WDFY2: variants seen among roughly 807,000 people sequenced by gnomAD.
WDFY2 encodes WD repeat and FYVE domain-containing protein 2.
Under a neutral mutation model 56.4 loss-of-function variants are expected in WDFY2, and 36 were observed. The ratio of observed to expected loss-of-function variants is 0.64; its 90% CI spans 0.49 to 0.84. The LOEUF (loss-of-function observed/expected upper bound fraction) is 0.84, where lower values mean the gene tolerates loss of function less well. WDFY2 is among the 40% of genes least tolerant of loss of function. WDFY2 has a pLI of 0.00. For synonymous variants in WDFY2, 176 were observed against 183.7 expected, an observed-to-expected ratio of 0.96 and a Z score of 0.34; for missense variants, 444 against 512.2, an observed-to-expected ratio of 0.87 and a Z score of 1.29.
intron 7 of WDFY2, among the ~76,000 whole-genome samples, chr13:51,739,487 A>G (rs773165176): frequency 1.9e-4 from 29 of 152,328 alleles, no homozygotes; most frequent in Non-Finnish European, 3.7e-4. Flanking sequence ...AGGAAAAAAA[A>G]AAGCTTGAAA....
At chr13:51,740,204 A>G (rs1267483053) in intron 7 of WDFY2, among the ~76,000 whole-genome samples, 5 of 152,224 alleles carry the variant, frequency 3.3e-5, no homozygotes, top group African/African-American at 1.2e-4. Context: ...TACTTGTTTT[A>G]GTTTTAGAAT....
At chr13:51,755,733 T>A (rs1379416110) in intron 9 of WDFY2, among the ~76,000 whole-genome samples, 3 of 152,252 alleles carry the variant, frequency 2.0e-5, no homozygotes, top group Non-Finnish European at 4.4e-5. Context: ...ATTAGAGGTG[T>A]CATGCTTAGT....
intron 1 of WDFY2, among the ~76,000 whole-genome samples, chr13:51,614,323 A>C (rs1954566940): frequency 6.6e-6 from 1 of 152,174 alleles, no homozygotes; most frequent in Non-Finnish European, 1.5e-5. Context: ...GAAGATGTTG[A>C]GTGAACCCTG....
chr13:51,659,260 A>G (rs969362393), intron 1 of WDFY2, among the ~76,000 whole-genome samples: 2 of 152,140 alleles, frequency 1.3e-5, no homozygotes, highest in African/African-American at 4.8e-5. Flanking sequence ...GATTAGCTGG[A>G]GTGGGGCAGG....
chr13:51,723,078 G>C (rs1205814566), intron 5 of WDFY2, among the ~76,000 whole-genome samples: 2 of 152,138 alleles, frequency 1.3e-5, no homozygotes, highest in Non-Finnish European at 2.9e-5. Context: ...CTGAAAAGCT[G>C]TTAAGATTAT....
chr13:51,670,127 CAT>C (rs759702673), intron 2 of WDFY2, among the ~76,000 whole-genome samples: 2 of 152,130 alleles, frequency 1.3e-5, no homozygotes, highest in Non-Finnish European at 2.9e-5. Flanking sequence ...GCCATTGGGT[CAT>C]AGTTACTTTT....
chr13:51,643,070 T>A (rs1955202018), intron 1 of WDFY2, among the ~76,000 whole-genome samples: 1 of 152,202 alleles, frequency 6.6e-6, no homozygotes, highest in Non-Finnish European at 1.5e-5. Context: ...TTCCTTTTTT[T>A]TAAATTGTAA....
At chr13:51,613,184 G>A (rs1174861768) in intron 1 of WDFY2, among the ~76,000 whole-genome samples, 1 of 151,872 alleles carries the variant, frequency 6.6e-6, no homozygotes, top group Non-Finnish European at 1.5e-5. Flanking sequence ...ACTCCAGCCT[G>A]GGTGACATAA....
chr13:51,612,900 T>A (rs1954531406), intron 1 of WDFY2, among the ~76,000 whole-genome samples: 1 of 152,224 alleles, frequency 6.6e-6, no homozygotes, highest in East Asian at 1.9e-4. Flanking sequence ...CAGTGTTCAA[T>A]GTGAGTAAGG....
chr13:51,695,955 A>ACT lies in WDFY2; in HGVS notation c.280-7640_280-7639dup, dbSNP rs564636645. Among the ~76,000 whole-genome samples, 752 of 152,242 alleles carry ACT rather than the reference A, an allele frequency of 4.9e-3. 4 individuals carry two copies. Among genetic ancestry groups the ACT allele is most frequent in the African/African-American group, 0.014 (591 of 41,570 alleles). On this transcript the variant is annotated intron_variant, in intron 3 of 11. Coordinates refer to ENST00000298125, the MANE Select transcript of WDFY2 (RefSeq NM_052950.4). ...GACTGCTGTGCTAGCAATCAGCAAG[A>ACT]CTGTGGGCGTAGGACCCTCCGAGCC...
At chr13:51,638,237 C>T (rs1955088925) in intron 1 of WDFY2, among the ~76,000 whole-genome samples, 1 of 152,032 alleles carries the variant, frequency 6.6e-6, no homozygotes, top group African/African-American at 2.4e-5. Context: ...CTGCCAGGGC[C>T]TGGGTGAAGA....
intron 7 of WDFY2, among the ~76,000 whole-genome samples, chr13:51,743,029 G>A (rs1329774619): frequency 2.6e-5 from 4 of 152,164 alleles, no homozygotes; most frequent in Non-Finnish European, 5.9e-5. Flanking sequence ...TAGAATTCTT[G>A]CATTCAGCTT....
intron 5 of WDFY2, among the ~76,000 whole-genome samples, chr13:51,724,190 C>T (rs1487853597): frequency 6.7e-6 from 1 of 149,064 alleles, no homozygotes; most frequent in African/African-American, 2.5e-5. Flanking sequence ...TATTTTTGGC[C>T]AGTAATAGCT....
intron 1 of WDFY2, among the ~76,000 whole-genome samples, chr13:51,651,378 T>C (rs956219976): frequency 4.6e-5 from 7 of 152,212 alleles, no homozygotes; most frequent in African/African-American, 1.7e-4. Context: ...CCTGGATTCA[T>C]TAATTTTTTG....
intron 1 of WDFY2, chr13:51,589,399 G>A (rs1954003375): frequency 6.6e-6 from 1 of 151,792 alleles, no homozygotes; most frequent in South Asian, 2.1e-4. Context: ...ACTATGATTC[G>A]AAGTGGCCAT....
In WDFY2 at chr13:51,764,025, A is replaced by G. The variant is rs1476829340; in HGVS notation, c.*4256A>G. ...GTGAGAGAAAGCATTTTACCAATAC[A>G]TTCTTATTTTTTCTCCTTTAAAATA... On this transcript the variant is annotated 3_prime_UTR_variant, in exon 12 of 12. Coordinates refer to ENST00000298125, the MANE Select transcript of WDFY2 (RefSeq NM_052950.4). 6.6e-6 allele frequency: 1 copy of G among 152,224 alleles called. No individual in the cohort carries two copies. The highest frequency in any genetic ancestry group is 2.4e-5 in the African/African-American group (1 of 41,450). The allele number at this position is 152,224 out of a possible 1,614,324, so 9.4% of individuals were successfully genotyped here. A position where few individuals can be genotyped will look rare whatever the true frequency, so the allele number is the denominator to read the frequency against.
At chr13:51,662,246 A>T (rs1450945619) in intron 2 of WDFY2, among the ~76,000 whole-genome samples, 1 of 152,186 alleles carries the variant, frequency 6.6e-6, no homozygotes, top group Non-Finnish European at 1.5e-5. Context: ...GCTTACAGGC[A>T]TGAGCCACCA....
rs1953534578 is a variant in WDFY2 at position 51,760,096 on chromosome 13, T to G, written c.*327T>G. The G allele has an allele frequency of 4.3e-6, 1 of 233,310 alleles. No individual in the cohort carries two copies. The highest frequency in any genetic ancestry group is 5.2e-5 in the Admixed American group (1 of 19,162). 14.5% of individuals were successfully genotyped at this position (233,310 alleles called of 1,614,324 possible). On this transcript the variant is annotated 3_prime_UTR_variant, in exon 12 of 12. Coordinates refer to ENST00000298125, the MANE Select transcript of WDFY2 (RefSeq NM_052950.4). The stretch of plus-strand genomic sequence containing the variant: ...TATACTTTTCAACACCCCATTTTAC[T>G]TGTTGCTTTGTCAGAGAAATAAGGG...
chr13:51,622,700 A>G (rs1382670420), intron 1 of WDFY2, among the ~76,000 whole-genome samples: 2 of 152,216 alleles, frequency 1.3e-5, no homozygotes, highest in Non-Finnish European at 2.9e-5. Flanking sequence ...ATAAAAACAC[A>G]GGATACACAT....
Sources: gnomAD v4.1 joint callset for allele counts (sites outside exome capture counted in the v4.1 genomes callset) on GRCh38, gnomAD v4.1.1 for gene constraint, MANE v1.5 for transcripts, NCBI Gene and HGNC (gene_info 2026-07-23, HGNC 2026-07-21) for gene names.